Variants in NRXN1 observed in about 807,000 individuals in gnomAD.
NRXN1 encodes the protein neurexin 1, also known as neurexin-1.
NRXN1 carries 39 observed loss-of-function variants against 150.9 expected under a neutral mutation model. The observed-to-expected ratio is 0.26, with a 90% CI of 0.20 to 0.34. NRXN1 has a LOEUF of 0.34. Among genes scored for constraint, NRXN1 ranks in the 10% least tolerant of loss-of-function variants. The probability of loss-of-function intolerance (pLI) is 1.00; values close to 1 mark genes in which losing one functional copy is unlikely to be tolerated. For missense variants in NRXN1, 1,815 were observed against 1,949.9 expected, an observed-to-expected ratio of 0.93 and a Z score of 1.30; for synonymous variants, 924 against 757.0, an observed-to-expected ratio of 1.22 and a Z score of -3.62.
chr2:50,402,182 G>A (rs138888046), intron 17 of NRXN1, among the ~76,000 whole-genome samples: 48 of 152,120 alleles, frequency 3.2e-4, no homozygotes, highest in Non-Finnish European at 6.6e-4. Context: ...ACAAACATTT[G>A]CTCTAGGTAC....
chr2:50,436,907 A>G (rs926932977), intron 17 of NRXN1, among the ~76,000 whole-genome samples: 2 of 152,140 alleles, frequency 1.3e-5, no homozygotes. Context: ...AGATTATTCC[A>G]TCTCCCAAAG....
At chr2:50,623,682 A>G in intron 5 of NRXN1, 67 bp from the exon 6 acceptor site, 1 of 1,120,804 alleles carries the variant, frequency 8.9e-7, no homozygotes, top group Non-Finnish European at 1.3e-6. Context: ...AGGTCTTAAC[A>G]GAAACAATAG....
At chr2:50,289,333 G>A (rs1381582580) in intron 17 of NRXN1, among the ~76,000 whole-genome samples, 1 of 152,122 alleles carries the variant, frequency 6.6e-6, no homozygotes, top group Non-Finnish European at 1.5e-5. Flanking sequence ...CAAATGAGGA[G>A]TGTGGATCTG....
chr2:50,531,988 G>A (rs1263914613), intron 10 of NRXN1, among the ~76,000 whole-genome samples: 1 of 152,094 alleles, frequency 6.6e-6, no homozygotes, highest in Non-Finnish European at 1.5e-5. Context: ...TGGGACCACA[G>A]GCGCATGACA....
chr2:50,156,494 G>T (rs188195416), intron 18 of NRXN1, among the ~76,000 whole-genome samples: 1,768 of 151,792 alleles, frequency 0.012, 22 homozygotes, highest in Non-Finnish European at 0.018. Flanking sequence ...TTTATCTTAC[G>T]GGTTACCTCA....
chr2:50,898,025 T>G (rs1411509070), intron 5 of NRXN1, among the ~76,000 whole-genome samples: 2 of 152,184 alleles, frequency 1.3e-5, no homozygotes, highest in African/African-American at 4.8e-5. Flanking sequence ...AGGACAAGTT[T>G]AGTTTAGATA....
intron 5 of NRXN1, among the ~76,000 whole-genome samples, chr2:50,893,679 A>C (rs1323750049): frequency 6.6e-6 from 1 of 152,198 alleles, no homozygotes; most frequent in Non-Finnish European, 1.5e-5. Context: ...AGTAATGTAC[A>C]GTCAGCATAT....
chr2:50,881,267 T>G (rs1424438124), intron 5 of NRXN1, among the ~76,000 whole-genome samples: 3 of 151,960 alleles, frequency 2.0e-5, no homozygotes, highest in East Asian at 1.9e-4. Context: ...TTTAGCAATC[T>G]ATTCCCCTTC....
At chr2:50,732,020 T>C (rs546195146) in intron 5 of NRXN1, among the ~76,000 whole-genome samples, 5 of 152,158 alleles carry the variant, frequency 3.3e-5, no homozygotes, top group Non-Finnish European at 5.9e-5. Context: ...AAGTACTTCA[T>C]AGAGTCTTAA....
intron 5 of NRXN1, among the ~76,000 whole-genome samples, chr2:50,836,415 A>G (rs1190704171): frequency 6.6e-6 from 1 of 152,080 alleles, no homozygotes; most frequent in African/African-American, 2.4e-5. Flanking sequence ...GTAAATCACT[A>G]AAGCTTATTT....
chr2:50,223,121 A>G (rs1053844603), intron 18 of NRXN1, among the ~76,000 whole-genome samples: 4 of 151,918 alleles, frequency 2.6e-5, no homozygotes, highest in African/African-American at 4.8e-5. Context: ...AAGACCCTAC[A>G]GTATGCCTCA....
chr2:50,610,390 C>A (rs929511738), intron 8 of NRXN1, among the ~76,000 whole-genome samples: 13 of 151,654 alleles, frequency 8.6e-5, no homozygotes, highest in Non-Finnish European at 1.8e-4. Context: ...GCCCAGTATA[C>A]AACTGAGCAG....
At chr2:51,029,303 G>C (rs770859861) in intron 1 of NRXN1, 109 bp from the exon 2 acceptor site, 8 of 152,216 alleles carry the variant, frequency 5.3e-5, no homozygotes, top group Non-Finnish European at 1.0e-4. Flanking sequence ...GTAAGGCAAA[G>C]AGTTAACCTT....
chr2:50,421,697 C>T (rs2084012889), intron 17 of NRXN1, among the ~76,000 whole-genome samples: 1 of 152,102 alleles, frequency 6.6e-6, no homozygotes, highest in African/African-American at 2.4e-5. Context: ...TAGATTTGGA[C>T]TCCTAAACAG....
intron 5 of NRXN1, among the ~76,000 whole-genome samples, chr2:50,668,145 A>C (rs1268511531): frequency 6.6e-6 from 1 of 151,978 alleles, no homozygotes; most frequent in African/African-American, 2.4e-5. Flanking sequence ...CAAAGCCTCC[A>C]TTTTACTGCT....
At chr2:50,395,396 AAGC>A (rs955414633) in intron 17 of NRXN1, among the ~76,000 whole-genome samples, 1 of 151,532 alleles carries the variant, frequency 6.6e-6, no homozygotes, top group African/African-American at 2.4e-5. Context: ...ACTCTTCTAC[AAGC>A]AGAAGACATT....
chr2:50,830,913 G>A (rs750735486), intron 5 of NRXN1, among the ~76,000 whole-genome samples: 21 of 151,912 alleles, frequency 1.4e-4, no homozygotes, highest in Non-Finnish European at 2.2e-4. Context: ...TAAAGTGTTC[G>A]TAGCAGCGCT....
rs762666468 is a variant in NRXN1 at position 50,542,291 on chromosome 2, A to G, written c.1760-3655T>C. ...AGCAAAACTCCATCAGAAAGAAAGA[A>G]AGAGAGAGAGAGAGAGATAGAGAAC... On this transcript the variant is annotated intron_variant, in intron 9 of 22. Transcript: ENST00000401669. Among the ~76,000 whole-genome samples the G allele has an allele frequency of 1.9e-4, 29 of 151,286 alleles. 1 individual carries two copies. The highest frequency in any genetic ancestry group is 2.1e-4 in the South Asian group (1 of 4,810).
At chr2:50,511,486 A>G (rs374767846) in intron 12 of NRXN1, among the ~76,000 whole-genome samples, 14 of 152,318 alleles carry the variant, frequency 9.2e-5, no homozygotes, top group African/African-American at 3.4e-4. Context: ...GTTTGACCTA[A>G]TCTATGGTAC....
Sources: allele counts gnomAD v4.1 joint callset (sites outside exome capture counted in the v4.1 genomes callset), GRCh38; gene constraint gnomAD v4.1.1; transcripts MANE v1.5; gene names NCBI Gene and HGNC (gene_info 2026-07-23, HGNC 2026-07-21).